The following ZDHHC7 variants were observed in gnomAD, a reference collection of about 807,000 sequenced individuals.
The protein encoded by ZDHHC7 is palmitoyltransferase ZDHHC7.
ZDHHC7 carries 12 observed loss-of-function variants against 34.1 expected under a neutral mutation model. The observed-to-expected ratio is 0.35, with a 90% confidence interval of 0.23 to 0.57. The LOEUF (loss-of-function observed/expected upper bound fraction) is 0.57, where lower values mean the gene tolerates loss of function less well. Ranked by LOEUF, ZDHHC7 falls within the 20% of genes least tolerant of loss-of-function variation. ZDHHC7 has a pLI of 0.84. For synonymous variants in ZDHHC7, 185 were observed against 155.4 expected (o/e 1.19, Z -1.42); for missense variants, 388 against 402.7 (o/e 0.96, Z 0.31).
intron 5 of ZDHHC7, among the ~76,000 whole-genome samples, chr16:84,978,682 G>A (rs1367374688): frequency 6.6e-6 from 1 of 152,100 alleles, no homozygotes; most frequent in Non-Finnish European, 1.5e-5. Flanking sequence ...AACCAATATG[G>A]AGAAACCCCA....
At chr16:85,004,013 A>T (rs2072685698) in intron 1 of ZDHHC7, among the ~76,000 whole-genome samples, 1 of 152,108 alleles carries the variant, frequency 6.6e-6, no homozygotes, top group Admixed American at 6.5e-5. Flanking sequence ...GGGGAACCTC[A>T]GTTTCACGAA....
chr16:84,992,494 C>T (rs1254719496), intron 2 of ZDHHC7, among the ~76,000 whole-genome samples: 1 of 152,132 alleles, frequency 6.6e-6, no homozygotes, highest in African/African-American at 2.4e-5. Flanking sequence ...GAAAAAAGTG[C>T]ACTTTTCCTG....
the ZDHHC7 span, among the ~76,000 whole-genome samples, chr16:85,022,159 CAA>C: frequency 4.4e-5 from 5 of 114,260 alleles, no homozygotes; most frequent in Admixed American, 8.9e-5. Context: ...AACTCTGTCT[CAA>C]AAAAAAAAAA....
chr16:84,993,582 C>T (rs1027837849), intron 2 of ZDHHC7, among the ~76,000 whole-genome samples: 8 of 151,372 alleles, frequency 5.3e-5, no homozygotes, highest in Admixed American at 4.6e-4. Flanking sequence ...GTTGAGGCTA[C>T]AGTGAGCCAC....
At chr16:85,016,381 C>T (rs2072834420), upstream of ZDHHC7, among the ~76,000 whole-genome samples, 1 of 151,892 alleles carries the variant, frequency 6.6e-6, no homozygotes, top group Non-Finnish European at 1.5e-5. Context: ...ATTGCCTGTG[C>T]TTTTAGTTAC....
intron 3 of ZDHHC7, 123 bp downstream of exon 3, chr16:84,990,181 C>G (rs2072489468): frequency 1.7e-6 from 2 of 1,186,622 alleles, no homozygotes; most frequent in African/African-American, 3.1e-5. Context: ...GCTCAATCCA[C>G]CTTTCTTGTT....
chr16:84,996,963 T>C (rs1597553251), intron 1 of ZDHHC7, among the ~76,000 whole-genome samples: 1 of 150,820 alleles, frequency 6.6e-6, no homozygotes, highest in African/African-American at 2.4e-5. Context: ...GAGGCGGAGG[T>C]TGCAGTAAGC....
At chr16:85,016,497 C>T (rs2072834816), upstream of ZDHHC7, among the ~76,000 whole-genome samples, 1 of 152,060 alleles carries the variant, frequency 6.6e-6, no homozygotes, top group Non-Finnish European at 1.5e-5. Flanking sequence ...GCTCTGTTGC[C>T]CAGGCTGGAG....
At chr16:85,018,455 T>A in the ZDHHC7 span, among the ~76,000 whole-genome samples, 1 of 138,700 alleles carries the variant, frequency 7.2e-6, no homozygotes, top group Admixed American at 7.8e-5. Flanking sequence ...TGTATTCTTT[T>A]TTTTTTTTTA....
chr16:84,987,045 C>G (rs2072445923), intron 3 of ZDHHC7, among the ~76,000 whole-genome samples: 1 of 152,202 alleles, frequency 6.6e-6, no homozygotes, highest in Non-Finnish European at 1.5e-5. Context: ...CCCTTCTTCC[C>G]TGGGCAGCAG....
Position 84,995,140 on chromosome 16 carries a change from T to C in ZDHHC7, c.-18+782A>G, listed in dbSNP as rs1382510448. Among the ~76,000 whole-genome samples the C allele has an allele frequency of 2.0e-5, 3 of 152,202 alleles. No homozygotes were observed. The East Asian group carries it at 5.8e-4, about 29-fold the overall frequency. Reference sequence around the variant, plus strand: ...CTCAAGACAGTTTCTGAGGGAACCGTGAAACACTGGGCACTCTCACACAGA... The same window carrying C: ...CTCAAGACAGTTTCTGAGGGAACCGCGAAACACTGGGCACTCTCACACAGA... On this transcript the variant is annotated intron_variant, in intron 2 of 7. Transcript: ENST00000313732.
chr16:84,997,522 C>T (rs906613050), intron 1 of ZDHHC7, among the ~76,000 whole-genome samples: 3 of 150,974 alleles, frequency 2.0e-5, no homozygotes, highest in Non-Finnish European at 4.4e-5. Context: ...CCGCCCGCCT[C>T]GGCCTCCCAA....
At chr16:85,009,438 G>A (rs1184564928) in intron 1 of ZDHHC7, among the ~76,000 whole-genome samples, 5 of 151,974 alleles carry the variant, frequency 3.3e-5, no homozygotes, top group Non-Finnish European at 5.9e-5. Context: ...GATTAGCAGG[G>A]CTGTAAAGTT....
chr16:85,007,072 C>T (rs557400712), intron 1 of ZDHHC7, among the ~76,000 whole-genome samples: 22 of 123,328 alleles, frequency 1.8e-4, no homozygotes, highest in Non-Finnish European at 3.3e-4. Flanking sequence ...GTCTGGGCCC[C>T]ATATGGAGTC....
chr16:85,009,453 T>C (rs1202439524), intron 1 of ZDHHC7, among the ~76,000 whole-genome samples: 1 of 152,000 alleles, frequency 6.6e-6, no homozygotes, highest in Non-Finnish European at 1.5e-5. Flanking sequence ...AAAGTTTCAA[T>C]TCATTAATCT....
At chr16:84,979,311 G>C (rs1445720360) in intron 4 of ZDHHC7, 26 bp from the exon 5 acceptor site, 3 of 1,604,720 alleles carry the variant, frequency 1.9e-6, no homozygotes, top group African/African-American at 2.7e-5. Context: ...TGATTTTTCA[G>C]TATTCCATGC....
chr16:85,004,369 CCTG>C lies in ZDHHC7; in HGVS notation c.-104+6914_-104+6916del, dbSNP rs140253414. On this transcript the variant is annotated intron_variant, in intron 1 of 7. Coordinates refer to ENST00000313732, the MANE Select transcript of ZDHHC7 (RefSeq NM_017740.3). Reference sequence around the variant, plus strand: ...TCTCACCTGGGGAGTGCTTAGATCACCTGCTGACCAGTCCTCTCTCTACTCTCA... The same window carrying C: ...TCTCACCTGGGGAGTGCTTAGATCACCTGACCAGTCCTCTCTCTACTCTCA... 5.6e-3 allele frequency among the ~76,000 whole-genome samples: 855 copies of C among 152,244 alleles called. 6 individuals carry two copies. The highest frequency in any genetic ancestry group is 0.02 in the African/African-American group (825 of 41,520).
intron 3 of ZDHHC7, among the ~76,000 whole-genome samples, chr16:84,986,835 G>C (rs9940441): frequency 6.6e-6 from 1 of 152,114 alleles, no homozygotes; most frequent in Admixed American, 6.5e-5. Context: ...CAACTGTTCA[G>C]TTCAGAGGTG....
At chr16:85,007,899 G>A (rs2072738746) in intron 1 of ZDHHC7, among the ~76,000 whole-genome samples, 1 of 152,034 alleles carries the variant, frequency 6.6e-6, no homozygotes, top group Non-Finnish European at 1.5e-5. Context: ...AAGGCAGGTG[G>A]ATTGCTTGGG....
Sources: allele counts gnomAD v4.1 joint callset (sites outside exome capture counted in the v4.1 genomes callset), GRCh38; gene constraint gnomAD v4.1.1; transcripts MANE v1.5; gene names NCBI Gene and HGNC (gene_info 2026-07-23, HGNC 2026-07-21).